SLCO1B3: variants seen among roughly 807,000 people sequenced by gnomAD.
SLCO1B3 encodes liver-specific organic anion transporter 2.
In SLCO1B3, 72 loss-of-function variants were observed where a neutral mutation model predicts 71.8. The ratio of observed to expected loss-of-function variants is 1.00; its 90% CI spans 0.83 to 1.22. The LOEUF (loss-of-function observed/expected upper bound fraction) is 1.22. Among genes scored for constraint, SLCO1B3 ranks in the 50% most tolerant of loss-of-function variants. The pLI, the probability that SLCO1B3 is intolerant of heterozygous loss-of-function variation, is 0.00. For synonymous variants in SLCO1B3, 298 were observed against 278.4 expected, an observed-to-expected ratio of 1.07 and a Z score of -0.70; for missense variants, 911 against 819.7, an observed-to-expected ratio of 1.11 and a Z score of -1.36.
intron 13 of SLCO1B3, among the ~76,000 whole-genome samples, chr12:20,894,127 G>A (rs1865955375): frequency 6.6e-6 from 1 of 152,084 alleles, no homozygotes; most frequent in Non-Finnish European, 1.5e-5. Context: ...GAACAACAGA[G>A]GATCAATGTA....
intron 3 of SLCO1B3, among the ~76,000 whole-genome samples, chr12:20,841,598 G>A (rs1261945755): frequency 2.0e-5 from 3 of 152,012 alleles, no homozygotes; most frequent in African/African-American, 7.2e-5. Context: ...TTTAGGTTCA[G>A]GGGGTACATA....
rs774324756 is a variant in SLCO1B3 at position 20,901,396 on chromosome 12, A to G, written c.1794A>G (p.Thr598=). 4 of 1,591,094 alleles carry G rather than the reference A, an allele frequency of 2.5e-6. No individual in the cohort carries two copies. Among genetic ancestry groups the G allele is most frequent in the African/African-American group, 2.7e-5 (2 of 73,908 alleles). The change falls in exon 15 of 16, where the codon ACA becomes ACG. Residue 598 remains threonine (T), a synonymous_variant. Transcript: ENST00000381545. ...ATTTTGGGGCTCTGATTGATAAAACATGTATGAAGTGGTCCACCAACAGCT... is the reference window on the plus strand; with the variant it reads ...ATTTTGGGGCTCTGATTGATAAAACGTGTATGAAGTGGTCCACCAACAGCT... ...PIYFGALIDK[T]CMKWSTNSCG...
At chr12:20,825,310 A>G (rs918433980) in intron 3 of SLCO1B3, among the ~76,000 whole-genome samples, 1 of 152,062 alleles carries the variant, frequency 6.6e-6, no homozygotes, top group Admixed American at 6.6e-5. Flanking sequence ...TCACAGACGC[A>G]TGTCTTCTGT....
intron 12 of SLCO1B3, 122 bp downstream of exon 12, chr12:20,881,142 C>A: frequency 2.9e-6 from 2 of 678,948 alleles, no homozygotes; most frequent in Non-Finnish European, 4.8e-6. Context: ...CAAAAAGATT[C>A]CAGTATTATC....
chr12:20,866,578 A>T (rs1415530676), intron 8 of SLCO1B3, among the ~76,000 whole-genome samples: 2 of 152,110 alleles, frequency 1.3e-5, no homozygotes, highest in East Asian at 3.9e-4. Context: ...TTTTCTAAAG[A>T]GGTTTGCCTC....
intron 3 of SLCO1B3, among the ~76,000 whole-genome samples, chr12:20,846,603 TC>T (rs1041723495): frequency 2.6e-5 from 4 of 151,986 alleles, no homozygotes; most frequent in African/African-American, 9.7e-5. Context: ...CTGAAACAAA[TC>T]CCTGGAAGAA....
At chr12:20,911,370 C>A (rs11519254) in intron 15 of SLCO1B3, among the ~76,000 whole-genome samples, 72,820 of 151,922 alleles carry the variant, frequency 0.48, 20,844 homozygotes, top group South Asian at 0.74. Context: ...AACTTCTGCA[C>A]CTGTATTTGT....
chr12:20,898,359 C>A, intron 13 of SLCO1B3, 77 bp from the exon 14 acceptor site: 1 of 874,356 alleles, frequency 1.1e-6, no homozygotes, highest in South Asian at 1.4e-5. Context: ...AGGAATGATG[C>A]TGATAAATGT....
chr12:20,850,344 T>C (rs11045557), intron 3 of SLCO1B3, among the ~76,000 whole-genome samples: 1 of 150,636 alleles, frequency 6.6e-6, no homozygotes, highest in Non-Finnish European at 1.5e-5. Flanking sequence ...CCATGGCGCA[T>C]TCTCGGCTCA....
intron 3 of SLCO1B3, among the ~76,000 whole-genome samples, chr12:20,817,436 C>A (rs1283494554): frequency 6.6e-6 from 1 of 152,098 alleles, no homozygotes; most frequent in African/African-American, 2.4e-5. Context: ...ATTGAAGTGA[C>A]TGTCTTTTCC....
intron 8 of SLCO1B3, among the ~76,000 whole-genome samples, chr12:20,865,066 C>A (rs1165354282): frequency 6.6e-6 from 1 of 152,044 alleles, no homozygotes; most frequent in Admixed American, 6.6e-5. Flanking sequence ...GTAGAATTTT[C>A]CAATTTTTAA....
chr12:20,872,756 G>A (rs372657027), intron 8 of SLCO1B3, among the ~76,000 whole-genome samples: 51 of 152,132 alleles, frequency 3.4e-4, no homozygotes, highest in South Asian at 1.2e-3. Flanking sequence ...TCAAAACTCT[G>A]CCTGGTGCCC....
intron 13 of SLCO1B3, among the ~76,000 whole-genome samples, chr12:20,886,675 A>C (rs191601594): frequency 5.6e-4 from 85 of 152,176 alleles, no homozygotes; most frequent in Admixed American, 5.0e-3. Flanking sequence ...AAACTAGTGC[A>C]TGAAGATGGG....
chr12:20,821,732 C>A (rs1033688881), intron 3 of SLCO1B3, among the ~76,000 whole-genome samples: 15 of 152,188 alleles, frequency 9.9e-5, no homozygotes, highest in Non-Finnish European at 1.8e-4. Flanking sequence ...GCGGGACTTG[C>A]GGCTAAGGGT....
rs371531713 is a variant in SLCO1B3, at chr12:20,906,433, A to G, written c.1865+4966A>G. Among the ~76,000 whole-genome samples, 5 of 152,182 alleles carry G rather than the reference A, an allele frequency of 3.3e-5. No homozygotes were observed. In the East Asian group the frequency reaches 9.6e-4, roughly 29 times the overall value. On this transcript the variant is annotated intron_variant, in intron 15 of 15. Transcript: ENST00000381545. Reference sequence around the variant, plus strand: ...TATTGTAATATTGGATCATGACATTATGCATTTGCCAAACCTATAGAACTT... The same window carrying G: ...TATTGTAATATTGGATCATGACATTGTGCATTTGCCAAACCTATAGAACTT...
At chr12:20,884,064 G>A (rs559247950) in intron 13 of SLCO1B3, among the ~76,000 whole-genome samples, 1 of 152,192 alleles carries the variant, frequency 6.6e-6, no homozygotes, top group South Asian at 2.1e-4. Flanking sequence ...TTTTGACCTG[G>A]TATTTCATGA....
intron 13 of SLCO1B3, among the ~76,000 whole-genome samples, chr12:20,893,960 T>G (rs980085): frequency 0.73 from 110,931 of 152,038 alleles, 42,004 homozygotes; most frequent in South Asian, 0.91. Context: ...AAAAGATTTG[T>G]CTCATATACA....
At chr12:20,905,138 C>A (rs1401868157) in intron 15 of SLCO1B3, among the ~76,000 whole-genome samples, 2 of 152,138 alleles carry the variant, frequency 1.3e-5, no homozygotes, top group East Asian at 1.9e-4. Context: ...ACCTTGACTC[C>A]CCTTAGCCAT....
intron 9 of SLCO1B3, among the ~76,000 whole-genome samples, chr12:20,875,782 G>C (rs905655678): frequency 6.6e-6 from 1 of 151,800 alleles, no homozygotes; most frequent in African/African-American, 2.4e-5. Flanking sequence ...AAACTGTGAG[G>C]GTTTAAAGGA....
Sources: gnomAD v4.1 joint callset for allele counts (sites outside exome capture counted in the v4.1 genomes callset) on GRCh38, gnomAD v4.1.1 for gene constraint, MANE v1.5 for transcripts, NCBI Gene and HGNC (gene_info 2026-07-23, HGNC 2026-07-21) for gene names.